CTNNA2: variants seen among roughly 807,000 people sequenced by gnomAD.
The protein encoded by CTNNA2 is catenin alpha-2.
Under a neutral mutation model 101.0 loss-of-function variants are expected in CTNNA2, and 42 were observed. That is an observed-to-expected ratio of 0.42 (90% CI 0.32 to 0.54). The LOEUF (loss-of-function observed/expected upper bound fraction) is 0.54. CTNNA2 is among the 20% of genes least tolerant of loss of function. The pLI is 0.14. For synonymous variants in CTNNA2, 450 were observed against 456.4 expected (o/e 0.99, Z 0.18); for missense variants, 871 against 1,223.1 (o/e 0.71, Z 4.29).
At chr2:80,210,775 G>A (rs181406879) in intron 7 of CTNNA2, among the ~76,000 whole-genome samples, 6 of 152,062 alleles carry the variant, frequency 3.9e-5, no homozygotes, top group East Asian at 1.9e-4. Context: ...GTTCTAGATC[G>A]TTGAGGAATC....
chr2:80,621,356 T>A lies in CTNNA2; in HGVS notation c.2574+2128T>A, dbSNP rs974867780. On this transcript the variant is annotated intron_variant, in intron 18 of 18. Coordinates refer to ENST00000402739, the MANE Select transcript of CTNNA2 (RefSeq NM_001282597.3). ...ATTAAATCCAGAAAAAACATTCAGT[T>A]TAAACAAGGTTTTAAAATGTGCTGC... Among the ~76,000 whole-genome samples, 16 of 151,990 alleles carry A rather than the reference T, an allele frequency of 1.1e-4. 1 individual carries two copies. Among genetic ancestry groups the A allele is most frequent in the Admixed American group, 5.9e-4 (9 of 15,214 alleles).
intron 7 of CTNNA2, among the ~76,000 whole-genome samples, chr2:79,947,975 G>A (rs919328257): frequency 6.6e-6 from 1 of 152,218 alleles, no homozygotes; most frequent in African/African-American, 2.4e-5. Context: ...CTAGATGACT[G>A]AGGTGCCCAG....
At chr2:80,406,441 T>G (rs977422811) in intron 8 of CTNNA2, among the ~76,000 whole-genome samples, 5 of 152,026 alleles carry the variant, frequency 3.3e-5, no homozygotes, top group Admixed American at 1.3e-4. Flanking sequence ...ACTAATGGAC[T>G]CTGAGCAGAC....
At chr2:79,444,033 T>C (rs923681794) in intron 4 of CTNNA2, among the ~76,000 whole-genome samples, 7 of 151,640 alleles carry the variant, frequency 4.6e-5, no homozygotes, top group African/African-American at 1.7e-4. Flanking sequence ...AGAACTGAGG[T>C]TCTCAGGCCA....
chr2:80,636,991 C>G (rs1672956764), intron 18 of CTNNA2, among the ~76,000 whole-genome samples: 1 of 152,054 alleles, frequency 6.6e-6, no homozygotes, highest in African/African-American at 2.4e-5. Flanking sequence ...TTCTCCATTC[C>G]TTATCCCTAA....
chr2:80,178,954 C>T (rs79565599), intron 7 of CTNNA2, among the ~76,000 whole-genome samples: 1,603 of 152,236 alleles, frequency 0.011, 26 homozygotes, highest in African/African-American at 0.036. Flanking sequence ...ATCCAATCAG[C>T]GTAATATCAT....
At chr2:79,920,370 A>G (rs780868052) in intron 7 of CTNNA2, among the ~76,000 whole-genome samples, 5 of 152,118 alleles carry the variant, frequency 3.3e-5, no homozygotes, top group Non-Finnish European at 1.5e-5. Context: ...AAATCACATC[A>G]TCTTATTGTT....
At chr2:80,294,891 C>A (rs943581236) in intron 7 of CTNNA2, among the ~76,000 whole-genome samples, 3 of 152,138 alleles carry the variant, frequency 2.0e-5, no homozygotes, top group African/African-American at 7.2e-5. Context: ...TGAGAACAGA[C>A]AAATAGCTAA....
At chr2:79,549,731 C>T (rs1485007015) in intron 1 of CTNNA2, among the ~76,000 whole-genome samples, 1 of 152,160 alleles carries the variant, frequency 6.6e-6, no homozygotes. Context: ...TGTCAGGACT[C>T]ATCTGTTTTT....
chr2:80,631,628 T>C (rs1342555983), intron 18 of CTNNA2, among the ~76,000 whole-genome samples: 1 of 152,122 alleles, frequency 6.6e-6, no homozygotes, highest in African/African-American at 2.4e-5. Flanking sequence ...AAGGTTCCAA[T>C]TAGGCCAAGC....
intron 3 of CTNNA2, among the ~76,000 whole-genome samples, chr2:79,775,397 G>A (rs11126742): frequency 0.16 from 24,532 of 152,066 alleles, 3,377 homozygotes; most frequent in East Asian, 0.39. Context: ...TTTCTCAAGA[G>A]GCTACAACTA....
chr2:80,588,165 T>A (rs1422954362), intron 14 of CTNNA2, among the ~76,000 whole-genome samples: 1 of 152,202 alleles, frequency 6.6e-6, no homozygotes, highest in Non-Finnish European at 1.5e-5. Flanking sequence ...CCAATAACTC[T>A]GTAACTCATG....
At chr2:79,193,415 G>A (rs149013331) in intron 1 of CTNNA2, among the ~76,000 whole-genome samples, 20 of 152,148 alleles carry the variant, frequency 1.3e-4, no homozygotes, top group African/African-American at 2.9e-4. Flanking sequence ...AGTTACCTAC[G>A]GTGTTCCGTA....
chr2:79,339,987 T>C (rs942889318), intron 3 of CTNNA2: 1 of 152,236 alleles, frequency 6.6e-6, no homozygotes, highest in Admixed American at 6.5e-5. Context: ...TTTATGCTGC[T>C]CCGTCAGATC....
At chr2:80,345,943 A>G (rs542489490) in intron 7 of CTNNA2, among the ~76,000 whole-genome samples, 1 of 152,312 alleles carries the variant, frequency 6.6e-6, no homozygotes, top group South Asian at 2.1e-4. Flanking sequence ...TACTGCTTAA[A>G]TCATGGTGGC....
intron 8 of CTNNA2, among the ~76,000 whole-genome samples, chr2:80,406,684 G>A (rs1046575269): frequency 4.6e-5 from 7 of 151,702 alleles, no homozygotes; most frequent in Admixed American, 6.6e-5. Flanking sequence ...AAAATTAGCC[G>A]GGTGTGGTGG....
intron 7 of CTNNA2, among the ~76,000 whole-genome samples, chr2:80,151,621 G>T (rs1203266776): frequency 6.6e-6 from 1 of 152,150 alleles, no homozygotes; most frequent in Non-Finnish European, 1.5e-5. Context: ...CTCTGCCATT[G>T]TCTTATTCCT....
intron 7 of CTNNA2, among the ~76,000 whole-genome samples, chr2:80,316,900 G>A (rs920220365): frequency 1.3e-5 from 2 of 152,126 alleles, no homozygotes; most frequent in Non-Finnish European, 2.9e-5. Flanking sequence ...ATAATTTTAG[G>A]TACTGATAAA....
intron 7 of CTNNA2, among the ~76,000 whole-genome samples, chr2:79,938,926 C>A (rs187558419): frequency 3.3e-5 from 5 of 152,248 alleles, no homozygotes; most frequent in Non-Finnish European, 5.9e-5. Flanking sequence ...TTCTCTAAGG[C>A]TCTTGCATTA....
Sources: allele counts gnomAD v4.1 joint callset (sites outside exome capture counted in the v4.1 genomes callset), GRCh38; gene constraint gnomAD v4.1.1; transcripts MANE v1.5; gene names NCBI Gene and HGNC (gene_info 2026-07-23, HGNC 2026-07-21).